Variants in CENPP observed in about 807,000 individuals in gnomAD.
The protein encoded by CENPP is centromere protein P.
In CENPP, 24 loss-of-function variants were observed where a neutral mutation model predicts 35.6. The observed-to-expected ratio is 0.67, with a 90% CI of 0.49 to 0.95. CENPP has a LOEUF of 0.95. Among genes scored for constraint, CENPP ranks in the 40% least tolerant of loss-of-function variants. CENPP has a pLI of 0.00. For synonymous variants in CENPP, 120 were observed against 125.5 expected, an observed-to-expected ratio of 0.96 and a Z score of 0.29; for missense variants, 332 against 345.3, an observed-to-expected ratio of 0.96 and a Z score of 0.31.
intron 5 of CENPP, among the ~76,000 whole-genome samples, chr9:92,594,427 A>C (rs1850730231): frequency 6.6e-6 from 1 of 152,122 alleles, no homozygotes; most frequent in Non-Finnish European, 1.5e-5. Context: ...TGTTTTTCTT[A>C]TTTTAAAAGA....
intron 5 of CENPP, chr9:92,522,511 C>T: frequency 1.4e-6 from 2 of 1,431,796 alleles, no homozygotes; most frequent in African/African-American, 1.4e-5. Flanking sequence ...CTCTCCTTCT[C>T]TTTCCCCATA....
intron 5 of CENPP, among the ~76,000 whole-genome samples, chr9:92,510,533 A>G (rs1847270996): frequency 6.6e-6 from 1 of 152,248 alleles, no homozygotes; most frequent in Non-Finnish European, 1.5e-5. Context: ...TTTCAAAACC[A>G]AGGACTACAG....
At chr9:92,501,279 A>G (rs1453652564) in intron 5 of CENPP, among the ~76,000 whole-genome samples, 1 of 152,194 alleles carries the variant, frequency 6.6e-6, no homozygotes, top group Admixed American at 6.5e-5. Flanking sequence ...ATGTGAGTCC[A>G]TGCGAGAGGA....
At chr9:92,370,458 CTA>C (rs1179997295) in intron 4 of CENPP, among the ~76,000 whole-genome samples, 1 of 151,878 alleles carries the variant, frequency 6.6e-6, no homozygotes, top group Non-Finnish European at 1.5e-5. Flanking sequence ...CTGGTCTTTT[CTA>C]TGTTAGACTT....
chr9:92,612,980 C>T (rs759133076), intron 7 of CENPP, 39 bp from the exon 8 acceptor site: 1 of 1,612,392 alleles, frequency 6.2e-7, no homozygotes, highest in African/African-American at 1.3e-5. Context: ...AAAGCTGCCA[C>T]CTTGAAGTTT....
chr9:92,386,156 C>G, intron 5 of CENPP: 1 of 1,421,792 alleles, frequency 7.0e-7, no homozygotes, highest in Non-Finnish European at 9.9e-7. Flanking sequence ...AAGATTTTGA[C>G]TCATAGGTAA....
intron 4 of CENPP, 110 bp downstream of exon 4, chr9:92,345,897 A>G (rs1341448156): frequency 1.6e-6 from 1 of 639,306 alleles, no homozygotes; most frequent in East Asian, 2.8e-5. Flanking sequence ...CTTCTCTGAA[A>G]GTATAACACC....
chr9:92,596,735 T>TA (rs150230365), intron 5 of CENPP, among the ~76,000 whole-genome samples: 19 of 151,334 alleles, frequency 1.3e-4, no homozygotes, highest in East Asian at 3.9e-4. Context: ...CATCTATTAA[T>TA]AAAAAAAACG....
intron 5 of CENPP, among the ~76,000 whole-genome samples, chr9:92,435,138 A>G (rs959267348): frequency 8.6e-5 from 13 of 152,036 alleles, no homozygotes; most frequent in Non-Finnish European, 1.8e-4. Context: ...CAGGGATGAA[A>G]CTCTTATCAG....
At chr9:92,584,724 T>C (rs1254122615) in intron 5 of CENPP, among the ~76,000 whole-genome samples, 1 of 152,234 alleles carries the variant, frequency 6.6e-6, no homozygotes, top group Non-Finnish European at 1.5e-5. Flanking sequence ...GTGTCTTCCC[T>C]AAAGCTCTAG....
chr9:92,454,313 G>C (rs185218045), intron 5 of CENPP, among the ~76,000 whole-genome samples: 1 of 152,166 alleles, frequency 6.6e-6, no homozygotes, highest in East Asian at 1.9e-4. Flanking sequence ...TAAAATTTTG[G>C]TTTTGTCTTT....
chr9:92,365,798 T>G (rs970590745), intron 4 of CENPP, among the ~76,000 whole-genome samples: 2 of 152,180 alleles, frequency 1.3e-5, no homozygotes, highest in Non-Finnish European at 2.9e-5. Context: ...TCTTTTTTTT[T>G]TCTTAAACTA....
At chr9:92,518,020 G>A (rs1288091070) in intron 5 of CENPP, 23 of 960,774 alleles carry the variant, frequency 2.4e-5, no homozygotes, top group East Asian at 1.6e-4. Context: ...TAAAGATGTC[G>A]TATAGACATA....
At chr9:92,342,111 C>T (rs1841139447) in intron 3 of CENPP, among the ~76,000 whole-genome samples, 3 of 152,356 alleles carry the variant, frequency 2.0e-5, no homozygotes, top group Non-Finnish European at 2.9e-5. Context: ...ATCACATTAG[C>T]ATTTCAGGTA....
intron 5 of CENPP, chr9:92,456,300 A>G (rs1171622058): frequency 6.6e-6 from 1 of 152,180 alleles, no homozygotes; most frequent in East Asian, 1.9e-4. Context: ...AACTCTGAGC[A>G]TTTATATAGA....
intron 5 of CENPP, among the ~76,000 whole-genome samples, chr9:92,398,669 C>G (rs1588097617): frequency 6.6e-6 from 1 of 152,128 alleles, no homozygotes; most frequent in Non-Finnish European, 1.5e-5. Flanking sequence ...TATTCAACTA[C>G]TCTTCAGTGT....
chr9:92,404,483 A>G, intron 5 of CENPP: 1 of 1,269,714 alleles, frequency 7.9e-7, no homozygotes, highest in Non-Finnish European at 1.0e-6. Context: ...TAATATATGA[A>G]AAGTAAGCCT....
Position 92,397,164 on chromosome 9 carries a change from G to A in CENPP, c.564+17305G>A, listed in dbSNP as rs113750575. 1.2e-4 allele frequency among the ~76,000 whole-genome samples: 18 copies of A among 152,070 alleles called. 1 individual carries two copies. Among genetic ancestry groups the A allele is most frequent in the African/African-American group, 3.9e-4 (16 of 41,490 alleles). On this transcript the variant is annotated intron_variant, in intron 5 of 7. Transcript: ENST00000375587. ...TATACTCCAGCATGGGTAATAGAGC[G>A]AGACCCTGTCTAAAAAAACAAACAA...
intron 5 of CENPP, chr9:92,496,016 G>A (rs1346407367): frequency 2.0e-6 from 2 of 1,007,390 alleles, no homozygotes; most frequent in African/African-American, 3.4e-5. Flanking sequence ...TAAAGGCTGT[G>A]TTTATTTTGT....
Sources: allele counts gnomAD v4.1 joint callset (sites outside exome capture counted in the v4.1 genomes callset), GRCh38; gene constraint gnomAD v4.1.1; transcripts MANE v1.5; gene names NCBI Gene and HGNC (gene_info 2026-07-23, HGNC 2026-07-21).